Variants in PRKAR2B observed in about 807,000 individuals in gnomAD.
PRKAR2B encodes protein kinase cAMP-dependent type II regulatory subunit beta, also known as cAMP-dependent protein kinase type II-beta regulatory subunit.
PRKAR2B carries 14 observed loss-of-function variants against 49.9 expected under a neutral mutation model. The ratio of observed to expected loss-of-function variants is 0.28; its 90% CI spans 0.19 to 0.44. PRKAR2B has a LOEUF of 0.44. Among genes scored for constraint, PRKAR2B ranks in the 20% least tolerant of loss-of-function variants. The probability of loss-of-function intolerance (pLI) is 1.00; values close to 1 mark genes in which losing one functional copy is unlikely to be tolerated. For synonymous variants in PRKAR2B, 196 were observed against 197.7 expected, an observed-to-expected ratio of 0.99 and a Z score of 0.07; for missense variants, 393 against 537.9, an observed-to-expected ratio of 0.73 and a Z score of 2.67.
intron 2 of PRKAR2B, among the ~76,000 whole-genome samples, chr7:107,071,352 T>C (rs1321935539): frequency 6.6e-6 from 1 of 152,232 alleles, no homozygotes; most frequent in Non-Finnish European, 1.5e-5. Flanking sequence ...AATTTACTCT[T>C]GTTATGTAGT....
intron 1 of PRKAR2B, among the ~76,000 whole-genome samples, chr7:107,061,624 C>T (rs1015929340): frequency 6.6e-6 from 1 of 152,186 alleles, no homozygotes; most frequent in African/African-American, 2.4e-5. Context: ...CTAAGAATGG[C>T]TGGGTGCAGT....
intron 3 of PRKAR2B, among the ~76,000 whole-genome samples, chr7:107,127,801 G>A (rs1795526004): frequency 6.6e-6 from 1 of 152,222 alleles, no homozygotes; most frequent in Admixed American, 6.5e-5. Flanking sequence ...ATTAAACTCA[G>A]TAGAAACAGA....
At chr7:107,098,611 T>C (rs1260861064) in intron 2 of PRKAR2B, among the ~76,000 whole-genome samples, 1 of 152,184 alleles carries the variant, frequency 6.6e-6, no homozygotes, top group East Asian at 1.9e-4. Context: ...TTAGAATCGT[T>C]AGCTTTTCTG....
intron 2 of PRKAR2B, among the ~76,000 whole-genome samples, chr7:107,098,012 A>G (rs1291838392): frequency 1.3e-5 from 2 of 152,104 alleles, no homozygotes; most frequent in Non-Finnish European, 2.9e-5. Context: ...CTCGAGGAGT[A>G]TCTTTGTGGC....
chr7:107,095,135 T>G (rs1402594547), intron 2 of PRKAR2B, among the ~76,000 whole-genome samples: 2 of 152,244 alleles, frequency 1.3e-5, no homozygotes, highest in East Asian at 3.8e-4. Context: ...TTCCTATCCA[T>G]GAGCATGAAA....
intron 6 of PRKAR2B, among the ~76,000 whole-genome samples, chr7:107,150,646 A>G (rs1435122039): frequency 2.0e-5 from 3 of 151,596 alleles, no homozygotes; most frequent in Non-Finnish European, 4.4e-5. Context: ...GGCAGAACCC[A>G]ACATATTGGT....
intron 4 of PRKAR2B, among the ~76,000 whole-genome samples, chr7:107,129,778 C>T (rs1795570382): frequency 6.6e-6 from 1 of 152,140 alleles, no homozygotes; most frequent in South Asian, 2.1e-4. Context: ...ATTCATGCCT[C>T]CCCTTTTTAG....
At chr7:107,133,758 TTC>T (rs1562867102) in intron 4 of PRKAR2B, 1 of 152,228 alleles carries the variant, frequency 6.6e-6, no homozygotes, top group African/African-American at 2.4e-5. Context: ...TAAAATTATG[TTC>T]TCAGTTTAAT....
intron 1 of PRKAR2B, among the ~76,000 whole-genome samples, chr7:107,049,686 G>A (rs904385160): frequency 1.4e-4 from 21 of 152,064 alleles, no homozygotes; most frequent in African/African-American, 9.7e-5. Flanking sequence ...ACTTCTTGGC[G>A]AGGTGAAGCA....
intron 6 of PRKAR2B, among the ~76,000 whole-genome samples, chr7:107,149,040 G>A (rs1425539611): frequency 6.6e-6 from 1 of 152,140 alleles, no homozygotes; most frequent in Non-Finnish European, 1.5e-5. Flanking sequence ...CCATACAATG[G>A]TGTTATACCT....
intron 3 of PRKAR2B, among the ~76,000 whole-genome samples, chr7:107,122,282 TAGAC>T (rs1795403715): frequency 6.6e-6 from 1 of 152,202 alleles, no homozygotes; most frequent in South Asian, 2.1e-4. Flanking sequence ...TTATTTTTCT[TAGAC>T]AGTGTTTCTA....
chr7:107,156,667 G>A (rs574033101), intron 8 of PRKAR2B, among the ~76,000 whole-genome samples: 34 of 152,148 alleles, frequency 2.2e-4, no homozygotes, highest in African/African-American at 7.9e-4. Context: ...TTAGCCGGGC[G>A]TGGTGGCAGA....
chr7:107,111,113 C>T (rs529438422), intron 2 of PRKAR2B, among the ~76,000 whole-genome samples: 6 of 152,310 alleles, frequency 3.9e-5, no homozygotes, highest in Admixed American at 2.6e-4. Flanking sequence ...AAGGGAACAT[C>T]AGCAGTAGCC....
intron 1 of PRKAR2B, among the ~76,000 whole-genome samples, chr7:107,059,886 G>T (rs1377950317): frequency 6.6e-6 from 1 of 151,972 alleles, no homozygotes; most frequent in East Asian, 1.9e-4. Context: ...CATGCTCTCA[G>T]CGTGATAGCT....
At chr7:107,104,607 ATCCATT>A (rs1368411633) in intron 2 of PRKAR2B, among the ~76,000 whole-genome samples, 16 of 152,266 alleles carry the variant, frequency 1.1e-4, no homozygotes, top group African/African-American at 3.9e-4. Flanking sequence ...TGTAGGAAGG[ATCCATT>A]TATTAAGCTG....
chr7:107,078,543 A>G (rs1794452718), intron 2 of PRKAR2B, among the ~76,000 whole-genome samples: 2 of 152,204 alleles, frequency 1.3e-5, no homozygotes, highest in Admixed American at 6.5e-5. Context: ...CAGTGCCCAC[A>G]CTAGTATTAT....
intron 10 of PRKAR2B, among the ~76,000 whole-genome samples, chr7:107,158,288 CTG>C (rs1053366841): frequency 1.4e-4 from 22 of 151,924 alleles, no homozygotes; most frequent in African/African-American, 4.6e-4. Flanking sequence ...GAGTGAAAGT[CTG>C]TTAATTTTTT....
chr7:107,053,131 T>A (rs1249070017), intron 1 of PRKAR2B, among the ~76,000 whole-genome samples: 1 of 152,232 alleles, frequency 6.6e-6, no homozygotes, highest in Non-Finnish European at 1.5e-5. Flanking sequence ...ACACCCAGCC[T>A]ACATTTATTT....
chr7:107,106,310 A>G (rs767206545), intron 2 of PRKAR2B, among the ~76,000 whole-genome samples: 1 of 152,200 alleles, frequency 6.6e-6, no homozygotes, highest in South Asian at 2.1e-4. Context: ...CTGGAACTGC[A>G]TCGCACCCCA....
Sources: gnomAD v4.1 joint callset for allele counts (sites outside exome capture counted in the v4.1 genomes callset) on GRCh38, gnomAD v4.1.1 for gene constraint, MANE v1.5 for transcripts, NCBI Gene and HGNC (gene_info 2026-07-23, HGNC 2026-07-21) for gene names.